DNAH11: variants seen among roughly 807,000 people sequenced by gnomAD.
DNAH11 encodes the protein dynein axonemal heavy chain 11.
A neutral mutation model predicts 526.0 loss-of-function variants in DNAH11; 442 were observed. The ratio of observed to expected loss-of-function variants is 0.84; its 90% CI spans 0.78 to 0.91. DNAH11 has a LOEUF of 0.91. Ranked by LOEUF, DNAH11 falls within the 40% of genes least tolerant of loss-of-function variation. The pLI is 0.00. For missense variants in DNAH11, 6,989 were observed against 5,448.7 expected, an observed-to-expected ratio of 1.28 and a Z score of -8.90; for synonymous variants, 2,461 against 1,935.9, an observed-to-expected ratio of 1.27 and a Z score of -7.12.
At chr7:21,735,900 C>A (rs1358076924) in intron 46 of DNAH11, 56 bp downstream of exon 46, 5 of 1,487,468 alleles carry the variant, frequency 3.4e-6, no homozygotes, top group Non-Finnish European at 4.5e-6. Context: ...TCAAGGCGGG[C>A]ACATGCAGCC....
intron 25 of DNAH11, among the ~76,000 whole-genome samples, chr7:21,631,825 T>G (rs939780423): frequency 6.6e-6 from 1 of 152,182 alleles, no homozygotes; most frequent in Non-Finnish European, 1.5e-5. Context: ...TCTACCTTTC[T>G]GGGGTCTGGA....
intron 36 of DNAH11, 41 bp from the exon 37 acceptor site, chr7:21,702,669 C>T: frequency 6.4e-7 from 1 of 1,557,870 alleles, no homozygotes; most frequent in Non-Finnish European, 8.8e-7. Flanking sequence ...ATCTTCTTCC[C>T]TCATACAATT....
At chr7:21,682,525 C>CAAAAAA (rs60337481) in intron 31 of DNAH11, among the ~76,000 whole-genome samples, 1 of 96,038 alleles carries the variant, frequency 1.0e-5, no homozygotes, top group African/African-American at 3.7e-5. Context: ...GACTCCATCT[C>CAAAAAA]AAAAAAAAAA....
intron 65 of DNAH11, among the ~76,000 whole-genome samples, chr7:21,825,224 T>A (rs766353903): frequency 6.6e-6 from 1 of 152,188 alleles, no homozygotes; most frequent in Non-Finnish European, 1.5e-5. Context: ...TATTTAGCGT[T>A]CTTATTGAAG....
Position 21,690,438 on chromosome 7 carries a change from C to T in DNAH11, c.5925-327C>T, listed in dbSNP as rs1183192173. On this transcript the variant is annotated intron_variant, in intron 34 of 81. Transcript: ENST00000409508. ...GCATCCCATTCAAGGAATTGCAGCC[C>T]ATGTTGAAGGTAAAAATGCCATCAC... 2.0e-5 allele frequency among the ~76,000 whole-genome samples: 3 copies of T among 152,114 alleles called. No homozygotes were observed. The East Asian group carries it at 5.8e-4, about 29-fold the overall frequency.
chr7:21,863,464 A>G (rs745671852), intron 69 of DNAH11, among the ~76,000 whole-genome samples: 1 of 152,170 alleles, frequency 6.6e-6, no homozygotes, highest in Non-Finnish European at 1.5e-5. Flanking sequence ...AGTAGCTGGG[A>G]CTACAGGCGT....
At chr7:21,825,072 T>C (rs1790220326) in intron 65 of DNAH11, among the ~76,000 whole-genome samples, 1 of 152,164 alleles carries the variant, frequency 6.6e-6, no homozygotes, top group Non-Finnish European at 1.5e-5. Flanking sequence ...GGTTTCGCCA[T>C]GTTGACCAGG....
At chr7:21,872,123 CAAA>C (rs776718319) in intron 73 of DNAH11, among the ~76,000 whole-genome samples, 338 of 30,794 alleles carry the variant, frequency 0.011, 1 homozygote, top group African/African-American at 0.035. Context: ...GACTCTGTCT[CAAA>C]AAAAAAAAAA....
At position 21,864,544 on chromosome 7, in the gene DNAH11, A is replaced by G; in HGVS notation, c.11383A>G (p.Arg3795Gly). 1 of 1,611,100 alleles carries G rather than the reference A, an allele frequency of 6.2e-7. No homozygotes were observed. Among genetic ancestry groups the G allele is most frequent in the Non-Finnish European group, 8.5e-7 (1 of 1,178,618 alleles). Residue 3795 changes from arginine to glycine, a missense_variant, in exon 70 of 82, where the codon AGA (arginine) becomes GGA (glycine). Physicochemically the swap from Arg to Gly is moderately radical, Grantham distance 125 (BLOSUM62 -2). Coordinates refer to ENST00000409508, the MANE Select transcript of DNAH11 (RefSeq NM_001277115.2). Reference protein sequence around the residue: ...LSQMAFQILLRKKEIDPLELD... With the variant: ...LSQMAFQILLGKKEIDPLELD... Reference sequence around the variant, plus strand: ...TTTGTCTACTCTCAAGATTTTGTTGAGAAAGAAAGAGATAGACCCTCTTGA... The same window carrying G: ...TTTGTCTACTCTCAAGATTTTGTTGGGAAAGAAAGAGATAGACCCTCTTGA...
At chr7:21,749,582 C>A in intron 52 of DNAH11, 96 bp from the exon 53 acceptor site, 1 of 1,511,520 alleles carries the variant, frequency 6.6e-7, no homozygotes, top group Non-Finnish European at 9.0e-7. Context: ...AGTGCTATGG[C>A]GATACAGTTA....
intron 5 of DNAH11, 34 bp from the exon 6 acceptor site, chr7:21,564,152 C>G: frequency 7.1e-7 from 1 of 1,398,606 alleles, no homozygotes; most frequent in East Asian, 2.4e-5. Flanking sequence ...AAAAACAAAC[C>G]AGAATCACGT....
chr7:21,776,913 C>G (rs1282765815), intron 56 of DNAH11, among the ~76,000 whole-genome samples: 1 of 149,658 alleles, frequency 6.7e-6, no homozygotes, highest in Admixed American at 6.7e-5. Context: ...AGACCTTATT[C>G]AGATTTCCAG....
intron 15 of DNAH11, 101 bp downstream of exon 15, chr7:21,600,220 G>A (rs1785023928): frequency 4.7e-6 from 5 of 1,055,652 alleles, no homozygotes; most frequent in South Asian, 2.1e-5. Context: ...AGAACTTTGG[G>A]AGGCTGAGGC....
intron 54 of DNAH11, among the ~76,000 whole-genome samples, chr7:21,753,877 G>A (rs1786516591): frequency 6.6e-6 from 1 of 152,078 alleles, no homozygotes. Context: ...CATGCTGAAT[G>A]CTTATTTTAT....
chr7:21,835,781 AG>A (rs1346931143), intron 65 of DNAH11, among the ~76,000 whole-genome samples: 1 of 151,922 alleles, frequency 6.6e-6, no homozygotes, highest in Admixed American at 6.6e-5. Context: ...AGAGAACTAA[AG>A]GGCATCCAAA....
chr7:21,689,321 C>T (rs1481055483), intron 34 of DNAH11, among the ~76,000 whole-genome samples: 1 of 152,218 alleles, frequency 6.6e-6, no homozygotes, highest in Admixed American at 6.5e-5. Context: ...CTGAAAATTG[C>T]CGAGAATACT....
At chr7:21,659,442 CA>C (rs1378104941) in intron 30 of DNAH11, among the ~76,000 whole-genome samples, 1 of 151,824 alleles carries the variant, frequency 6.6e-6, no homozygotes, top group African/African-American at 2.4e-5. Context: ...TTATAAATTA[CA>C]GATGAGAACT....
At chr7:21,804,643 T>A (rs981723246) in intron 62 of DNAH11, among the ~76,000 whole-genome samples, 7 of 152,144 alleles carry the variant, frequency 4.6e-5, no homozygotes, top group Non-Finnish European at 2.9e-5. Flanking sequence ...CATCAGATAT[T>A]CTATTGACCC....
At position 21,655,816 on chromosome 7, in the gene DNAH11, A is replaced by C; in HGVS notation, c.4945-16A>C. ...AGTAAGAAATGTTCTTATCTTTTCT[A>C]ATATTCTCATTTTAGGTAACATGTC... On this transcript the variant is annotated splice_polypyrimidine_tract_variant and intron_variant, in intron 28 of 81. Transcript: ENST00000409508. The C allele has an allele frequency of 1.2e-6, 2 of 1,607,360 alleles. No individual in the cohort carries two copies. The highest frequency in any genetic ancestry group is 1.3e-5 in the African/African-American group (1 of 74,930).
Sources: gnomAD v4.1 joint callset for allele counts (sites outside exome capture counted in the v4.1 genomes callset) on GRCh38, gnomAD v4.1.1 for gene constraint, MANE v1.5 for transcripts, NCBI Gene and HGNC (gene_info 2026-07-23, HGNC 2026-07-21) for gene names.